EXOC4: variants seen among roughly 807,000 people sequenced by gnomAD.
EXOC4 encodes the protein SEC8-like 1.
A neutral mutation model predicts 107.2 loss-of-function variants in EXOC4; 71 were observed. The ratio of observed to expected loss-of-function variants is 0.66; its 90% CI spans 0.55 to 0.81. The LOEUF (loss-of-function observed/expected upper bound fraction) is 0.81. EXOC4 is among the 30% of genes least tolerant of loss of function. The pLI is 0.00. For missense variants in EXOC4, 1,108 were observed against 1,189.6 expected (o/e 0.93, Z 1.01); for synonymous variants, 456 against 441.2 (o/e 1.03, Z -0.42).
chr7:133,744,089 T>G (rs1054131882), intron 10 of EXOC4, among the ~76,000 whole-genome samples: 1 of 151,934 alleles, frequency 6.6e-6, no homozygotes, highest in African/African-American at 2.4e-5. Flanking sequence ...CATTCATTGC[T>G]GATATATAGC....
At chr7:134,100,892 C>T in the EXOC4 span, among the ~76,000 whole-genome samples, 9 of 126,696 alleles carry the variant, frequency 7.1e-5, 1 homozygote, top group East Asian at 6.4e-4. Flanking sequence ...TGCAGTGAGC[C>T]GAGATTGCAG....
At chr7:133,712,530 T>C (rs1794916842) in intron 10 of EXOC4, among the ~76,000 whole-genome samples, 1 of 149,660 alleles carries the variant, frequency 6.7e-6, no homozygotes, top group South Asian at 2.1e-4. Context: ...TGATGCATGA[T>C]GGCAGGTTTG....
chr7:133,648,020 A>G (rs1221902364), intron 10 of EXOC4, among the ~76,000 whole-genome samples: 1 of 152,218 alleles, frequency 6.6e-6, no homozygotes, highest in African/African-American at 2.4e-5. Flanking sequence ...GAATCTAGAA[A>G]TAGTTGGGCC....
intron 13 of EXOC4, among the ~76,000 whole-genome samples, chr7:133,919,410 T>C (rs968399289): frequency 6.6e-6 from 1 of 152,222 alleles, no homozygotes; most frequent in Non-Finnish European, 1.5e-5. Context: ...ACATTAAGGA[T>C]CACTCTTCAT....
intron 12 of EXOC4, among the ~76,000 whole-genome samples, chr7:133,904,934 C>T (rs1457549998): frequency 2.0e-5 from 3 of 152,118 alleles, no homozygotes; most frequent in Non-Finnish European, 4.4e-5. Flanking sequence ...TTAGGGCAGT[C>T]CTAATTTGGA....
intron 17 of EXOC4, among the ~76,000 whole-genome samples, chr7:134,034,716 C>A (rs564761248): frequency 8.5e-5 from 13 of 152,266 alleles, no homozygotes; most frequent in African/African-American, 2.6e-4. Flanking sequence ...ATAAATTATT[C>A]AGCCTTGGAC....
At chr7:133,775,968 T>C (rs573940216) in intron 10 of EXOC4, among the ~76,000 whole-genome samples, 21 of 152,332 alleles carry the variant, frequency 1.4e-4, no homozygotes, top group Non-Finnish European at 2.6e-4. Flanking sequence ...GCATCTATCT[T>C]CTTTTTACTT....
rs557074786 is a variant in EXOC4 at position 133,372,292 on chromosome 7, C to T, written c.1008-2536C>T. Among the ~76,000 whole-genome samples the T allele has an allele frequency of 2.0e-3, 297 of 152,242 alleles. 2 individuals carry two copies. The highest frequency in any genetic ancestry group is 3.1e-3 in the Non-Finnish European group (208 of 68,012). ...GTAAGGCGGAAGAGAGCTTTCCTCT[C>T]GTTAAAATGGCTGGAGGTCTCAAAA... On this transcript the variant is annotated intron_variant, in intron 6 of 17. Transcript: ENST00000253861.
At chr7:133,285,416 T>C (rs1794252546) in intron 2 of EXOC4, among the ~76,000 whole-genome samples, 1 of 152,246 alleles carries the variant, frequency 6.6e-6, no homozygotes, top group South Asian at 2.1e-4. Flanking sequence ...GAAAATATCT[T>C]TATTCTTTCC....
chr7:133,391,437 C>A (rs1411746284), intron 7 of EXOC4, among the ~76,000 whole-genome samples: 1 of 152,200 alleles, frequency 6.6e-6, no homozygotes, highest in Non-Finnish European at 1.5e-5. Flanking sequence ...CTGGGCTGAT[C>A]ATTACTTTCT....
chr7:133,887,996 T>A (rs1389379080), intron 11 of EXOC4, among the ~76,000 whole-genome samples: 1 of 152,180 alleles, frequency 6.6e-6, no homozygotes, highest in Non-Finnish European at 1.5e-5. Flanking sequence ...GAAGTTGAAC[T>A]TCTGGGGATT....
chr7:133,355,385 T>TA, intron 5 of EXOC4, among the ~76,000 whole-genome samples: 1 of 152,280 alleles, frequency 6.6e-6, no homozygotes, highest in African/African-American at 2.4e-5. Flanking sequence ...ATGAGGCAGT[T>TA]ACTTTTAAGT....
chr7:133,946,428 T>C (rs1257628543), intron 14 of EXOC4, among the ~76,000 whole-genome samples: 4 of 152,222 alleles, frequency 2.6e-5, no homozygotes, highest in Non-Finnish European at 4.4e-5. Context: ...CTTTCTCTCT[T>C]TTAAAAATAA....
intron 9 of EXOC4, among the ~76,000 whole-genome samples, chr7:133,598,751 G>T (rs1376296711): frequency 6.6e-6 from 1 of 152,172 alleles, no homozygotes; most frequent in Non-Finnish European, 1.5e-5. Context: ...GGAGGCTGAA[G>T]CGGGTGGATT....
chr7:133,351,630 A>G (rs541869633), intron 5 of EXOC4, among the ~76,000 whole-genome samples: 2 of 152,028 alleles, frequency 1.3e-5, no homozygotes, highest in East Asian at 3.9e-4. Context: ...TTTTCAAAGA[A>G]CCAACTTTGA....
At chr7:133,534,624 C>T (rs1271235087) in intron 9 of EXOC4, among the ~76,000 whole-genome samples, 1 of 152,162 alleles carries the variant, frequency 6.6e-6, no homozygotes, top group African/African-American at 2.4e-5. Flanking sequence ...TATTGAATTA[C>T]ATTAACATGT....
At chr7:133,296,053 A>G (rs762280943) in intron 3 of EXOC4, among the ~76,000 whole-genome samples, 4 of 152,176 alleles carry the variant, frequency 2.6e-5, no homozygotes, top group Non-Finnish European at 5.9e-5. Flanking sequence ...ACTAAAACCC[A>G]TCTGTTCCTA....
intron 9 of EXOC4, among the ~76,000 whole-genome samples, chr7:133,572,001 G>T (rs1801033445): frequency 1.3e-5 from 2 of 152,210 alleles, no homozygotes; most frequent in Non-Finnish European, 2.9e-5. Flanking sequence ...AACCATAGCA[G>T]AAGGTTAATG....
chr7:133,360,343 A>T (rs1040520242), intron 6 of EXOC4, among the ~76,000 whole-genome samples: 30 of 152,356 alleles, frequency 2.0e-4, no homozygotes, highest in Admixed American at 1.8e-3. Context: ...AGAATGTGGG[A>T]AAAGAGAATG....
Sources: gnomAD v4.1 joint callset for allele counts (sites outside exome capture counted in the v4.1 genomes callset) on GRCh38, gnomAD v4.1.1 for gene constraint, MANE v1.5 for transcripts, NCBI Gene and HGNC (gene_info 2026-07-23, HGNC 2026-07-21) for gene names.